Variants in LTBP2 observed in about 807,000 individuals in gnomAD.
LTBP2 encodes the protein latent-transforming growth factor beta-binding protein 2.
In LTBP2, 103 loss-of-function variants were observed where a neutral mutation model predicts 210.6. The observed-to-expected ratio is 0.49, with a 90% CI of 0.42 to 0.58. The LOEUF (loss-of-function observed/expected upper bound fraction) is 0.58, where lower values mean the gene tolerates loss of function less well. Ranked by LOEUF, LTBP2 falls within the 20% of genes least tolerant of loss-of-function variation. LTBP2 has a pLI of 0.00. For synonymous variants in LTBP2, 1,007 were observed against 1,015.0 expected (o/e 0.99, Z 0.15); for missense variants, 2,313 against 2,494.5 (o/e 0.93, Z 1.55).
intron 25 of LTBP2, 150 bp downstream of exon 25, chr14:74,507,823 C>T: frequency 9.7e-7 from 1 of 1,034,226 alleles, no homozygotes. Flanking sequence ...CATCCTTGGA[C>T]AGCCCCTGAG....
chr14:74,552,514 G>A (rs779849458), intron 5 of LTBP2, 121 bp from the exon 6 acceptor site: 29 of 880,498 alleles, frequency 3.3e-5, no homozygotes, highest in East Asian at 7.9e-5. Context: ...CCTGTAGCCC[G>A]GAGCCCCCTG....
chr14:74,601,646 A>G (rs1461520686), intron 2 of LTBP2, among the ~76,000 whole-genome samples: 2 of 152,214 alleles, frequency 1.3e-5, no homozygotes, highest in East Asian at 3.9e-4. Context: ...CAGGGCCACG[A>G]GGCCTGAGGC....
rs1294531636 is a variant in LTBP2, at chr14:74,531,582, TGG to T, written c.1987+842_1987+843del. 3.8e-3 allele frequency among the ~76,000 whole-genome samples: 580 copies of T among 152,336 alleles called. 4 individuals carry two copies. The highest frequency in any genetic ancestry group is 0.014 in the African/African-American group (563 of 41,576). On this transcript the variant is annotated intron_variant, in intron 10 of 35. Transcript: ENST00000261978. ...CCCTAGAGCCACTGGGTTCAGCCTC[TGG>T]GTGGCACTGGAGTCTTGTCCAATCC...
chr14:74,574,005 G>A (rs141807464), intron 3 of LTBP2, among the ~76,000 whole-genome samples: 214 of 152,240 alleles, frequency 1.4e-3, no homozygotes, highest in African/African-American at 4.9e-3. Context: ...CCACTGTGCC[G>A]AGCTGTCCCC....
chr14:74,599,973 A>C (rs1470458410), intron 2 of LTBP2, among the ~76,000 whole-genome samples: 1 of 152,218 alleles, frequency 6.6e-6, no homozygotes, highest in African/African-American at 2.4e-5. Flanking sequence ...TGAAACTGCT[A>C]GGACAGAATC....
At chr14:74,569,536 T>C (rs1422107784) in intron 3 of LTBP2, among the ~76,000 whole-genome samples, 1 of 152,118 alleles carries the variant, frequency 6.6e-6, no homozygotes, top group African/African-American at 2.4e-5. Flanking sequence ...GAACAGGGCA[T>C]CTGCTCATGC....
chr14:74,511,364 T>C lies in LTBP2; in HGVS notation c.2909A>G (p.Asp970Gly), dbSNP rs2087069239. ...YIMVRKGHCQDINECRHPGTC... is the reference protein window; with the variant it reads ...YIMVRKGHCQGINECRHPGTC... ...ACCGGGGTGACGGCATTCGTTGATA[T>C]CTGCAAAACAGCAGCCCCTCCCTTG... Residue 970 changes from aspartate to glycine, a missense_variant and splice_region_variant, in exon 19 of 36, where the codon GAT (aspartate) becomes GGT (glycine). This residue lies in a region of LTBP2 where 1,867 missense variants were observed against 1,976.9 expected (regional missense o/e 0.94). Transcript: ENST00000261978. 2 of 1,614,054 alleles carry C rather than the reference T, an allele frequency of 1.2e-6. No homozygotes were observed. Among genetic ancestry groups the C allele is most frequent in the Non-Finnish European group, 1.7e-6 (2 of 1,179,978 alleles).
chr14:74,607,479 A>C (rs2139811608), intron 1 of LTBP2, among the ~76,000 whole-genome samples: 1 of 152,358 alleles, frequency 6.6e-6, no homozygotes, highest in African/African-American at 2.4e-5. Context: ...AATAGCAAAA[A>C]AATTCAGTAG....
Position 74,511,239 on chromosome 14 carries a change from C to T in LTBP2, c.3028+6G>A, listed in dbSNP as rs1480720455. ...CTGGCTCAGTGCCTTGGCCAGCAGCCCTCACCTACACAGCTCCCACTCTGG... is the reference window on the plus strand; with the variant it reads ...CTGGCTCAGTGCCTTGGCCAGCAGCTCTCACCTACACAGCTCCCACTCTGG... On this transcript the variant is annotated splice_donor_region_variant and intron_variant, in intron 19 of 35. Coordinates refer to ENST00000261978, the MANE Select transcript of LTBP2 (RefSeq NM_000428.3). 4 of 1,613,882 alleles carry T rather than the reference C, an allele frequency of 2.5e-6. No homozygotes were observed. The highest frequency in any genetic ancestry group is 3.4e-6 in the Non-Finnish European group (4 of 1,180,000).
In LTBP2 at chr14:74,554,319, C is replaced by A. The variant is rs189330227; in HGVS notation, c.1021+1184G>T. On this transcript the variant is annotated intron_variant, in intron 4 of 35. Coordinates refer to ENST00000261978, the MANE Select transcript of LTBP2 (RefSeq NM_000428.3). ...GTTTGAGACCAGCCTGGGCAACATGCAAGACCCTATCTCTACAAAACATTT... is the reference window on the plus strand; with the variant it reads ...GTTTGAGACCAGCCTGGGCAACATGAAAGACCCTATCTCTACAAAACATTT... 1.7e-3 allele frequency among the ~76,000 whole-genome samples: 261 copies of A among 152,028 alleles called. 2 individuals carry two copies. The highest frequency in any genetic ancestry group is 6.8e-3 in the Admixed American group (103 of 15,258).
chr14:74,582,177 G>C (rs150093270), intron 3 of LTBP2, among the ~76,000 whole-genome samples: 163 of 152,016 alleles, frequency 1.1e-3, no homozygotes, highest in South Asian at 4.2e-3. Context: ...TAGGTCCTCA[G>C]GTCTAGAGCA....
chr14:74,606,643 T>C (rs1368985040), intron 1 of LTBP2, among the ~76,000 whole-genome samples: 1 of 152,106 alleles, frequency 6.6e-6, no homozygotes, highest in Non-Finnish European at 1.5e-5. Flanking sequence ...GGTCAGGAAA[T>C]TGAGACCATC....
At chr14:74,581,013 C>A (rs2088129783) in intron 3 of LTBP2, among the ~76,000 whole-genome samples, 2 of 152,046 alleles carry the variant, frequency 1.3e-5, no homozygotes, top group South Asian at 2.1e-4. Context: ...GTGCCAAGGC[C>A]CTGAGGTGGG....
intron 2 of LTBP2, among the ~76,000 whole-genome samples, chr14:74,591,494 C>T (rs1055831974): frequency 1.3e-5 from 2 of 152,204 alleles, no homozygotes; most frequent in African/African-American, 2.4e-5. Flanking sequence ...TGTGCAGAGG[C>T]CCAATCTGCT....
At chr14:74,588,282 C>T (rs938877666) in intron 2 of LTBP2, among the ~76,000 whole-genome samples, 2 of 152,142 alleles carry the variant, frequency 1.3e-5, no homozygotes, top group African/African-American at 4.8e-5. Context: ...GATGCAATGA[C>T]GCGATCTCGG....
intron 13 of LTBP2, 93 bp from the exon 14 acceptor site, chr14:74,526,207 C>T: frequency 1.2e-5 from 14 of 1,195,568 alleles, no homozygotes; most frequent in Non-Finnish European, 1.7e-5. Flanking sequence ...TCCGGGCTTC[C>T]TACCAGGAGC....
intron 30 of LTBP2, among the ~76,000 whole-genome samples, chr14:74,504,333 C>T (rs1481527972): frequency 6.6e-6 from 1 of 152,240 alleles, no homozygotes; most frequent in East Asian, 1.9e-4. Context: ...ATTTCCTTCT[C>T]AAGACTAGCT....
At chr14:74,594,887 G>A (rs1406074349) in intron 2 of LTBP2, among the ~76,000 whole-genome samples, 2 of 152,132 alleles carry the variant, frequency 1.3e-5, no homozygotes, top group African/African-American at 4.8e-5. Context: ...CCCAGGCCCT[G>A]ACTGAGGACC....
intron 3 of LTBP2, among the ~76,000 whole-genome samples, chr14:74,583,511 C>G (rs1317743852): frequency 2.0e-5 from 3 of 152,244 alleles, no homozygotes; most frequent in Admixed American, 6.5e-5. Context: ...GAGGCTGCAG[C>G]TCATTAAGAA....
Sources: gnomAD v4.1 joint callset for allele counts (sites outside exome capture counted in the v4.1 genomes callset) on GRCh38, gnomAD v4.1.1 for gene constraint, gnomAD v4.1.1 regional missense constraint, MANE v1.5 for transcripts, NCBI Gene and HGNC (gene_info 2026-07-23, HGNC 2026-07-21) for gene names.